The following LRP1B variants were observed in gnomAD, a reference collection of about 807,000 sequenced individuals.
LRP1B encodes low-density lipoprotein receptor-related protein 1B.
Under a neutral mutation model 556.6 loss-of-function variants are expected in LRP1B, and 217 were observed. That is an observed-to-expected ratio of 0.39 (90% CI 0.35 to 0.44). LRP1B has a LOEUF of 0.44. Among genes scored for constraint, LRP1B ranks in the 20% least tolerant of loss-of-function variants. The probability of loss-of-function intolerance (pLI) is 1.00; values close to 1 mark genes in which losing one functional copy is unlikely to be tolerated. For synonymous variants in LRP1B, 2,047 were observed against 1,865.8 expected, an observed-to-expected ratio of 1.10 and a Z score of -2.50; for missense variants, 5,053 against 5,620.8, an observed-to-expected ratio of 0.90 and a Z score of 3.23.
At chr2:140,342,894 A>C (rs1180506359) in intron 77 of LRP1B, among the ~76,000 whole-genome samples, 5 of 151,642 alleles carry the variant, frequency 3.3e-5, no homozygotes, top group Non-Finnish European at 7.4e-5. Flanking sequence ...CCTAAATATG[A>C]TGTGATGTCC....
intron 6 of LRP1B, among the ~76,000 whole-genome samples, chr2:141,219,476 T>C (rs1682947040): frequency 6.6e-6 from 1 of 152,152 alleles, no homozygotes; most frequent in African/African-American, 2.4e-5. Flanking sequence ...TGGGGGAAGG[T>C]GTGACCGTGA....
At chr2:141,043,725 C>A (rs1201214905) in intron 11 of LRP1B, among the ~76,000 whole-genome samples, 1 of 151,848 alleles carries the variant, frequency 6.6e-6, no homozygotes, top group Non-Finnish European at 1.5e-5. Flanking sequence ...TAGTGGAATA[C>A]ATGTAACAAT....
intron 2 of LRP1B, among the ~76,000 whole-genome samples, chr2:141,493,117 T>C (rs1029426568): frequency 3.9e-5 from 6 of 152,252 alleles, no homozygotes; most frequent in African/African-American, 1.4e-4. Flanking sequence ...ATTGCTATTA[T>C]AGAGAGGAGG....
intron 2 of LRP1B, among the ~76,000 whole-genome samples, chr2:141,486,297 T>A (rs1365587915): frequency 2.0e-5 from 3 of 152,204 alleles, no homozygotes; most frequent in Non-Finnish European, 2.9e-5. Context: ...TTACACTAAA[T>A]CTTATTTTAC....
chr2:141,494,346 G>T (rs1160865770), intron 2 of LRP1B, among the ~76,000 whole-genome samples: 2 of 152,092 alleles, frequency 1.3e-5, no homozygotes, highest in Admixed American at 6.6e-5. Context: ...TAATAGGAAG[G>T]ATGGATACCA....
chr2:141,249,417 C>T (rs562594096), intron 4 of LRP1B, among the ~76,000 whole-genome samples: 4 of 152,052 alleles, frequency 2.6e-5, no homozygotes, highest in Admixed American at 1.3e-4. Context: ...GCCAACATGG[C>T]GAAGCCCTTT....
At chr2:140,267,305 G>C (rs1682250025) in intron 86 of LRP1B, among the ~76,000 whole-genome samples, 1 of 151,920 alleles carries the variant, frequency 6.6e-6, no homozygotes, top group African/African-American at 2.4e-5. Flanking sequence ...GTTTAACTGG[G>C]TGAGGAATGC....
At chr2:141,247,471 C>G in intron 4 of LRP1B, 117 bp from the exon 5 acceptor site, 1 of 1,174,080 alleles carries the variant, frequency 8.5e-7, no homozygotes, top group Non-Finnish European at 1.2e-6. Context: ...AAAGCCAATT[C>G]CAATAAGTCT....
intron 3 of LRP1B, among the ~76,000 whole-genome samples, chr2:141,376,112 G>A (rs1024286466): frequency 4.6e-5 from 7 of 152,210 alleles, no homozygotes; most frequent in Admixed American, 1.3e-4. Flanking sequence ...AGCAGCAGCC[G>A]CCATGTCTGT....
intron 3 of LRP1B, among the ~76,000 whole-genome samples, chr2:141,448,740 A>G (rs796676525): frequency 3.9e-5 from 6 of 151,940 alleles, no homozygotes; most frequent in African/African-American, 1.4e-4. Context: ...CTGTCTAACC[A>G]CTCCCAGTGA....
Position 140,994,108 on chromosome 2 carries a change from A to T in LRP1B, c.2531T>A (p.Ile844Lys), listed in dbSNP as rs772730911. Reference protein sequence around the residue: ...TFNPGEALPHICKAGEFRCKN... With the variant: ...TFNPGEALPHKCKAGEFRCKN... ...GCAGCGAAACTCTCCAGCTTTACAT[A>T]TGTGAGGTAGTGCTTCTCCAGGATT... The change falls in exon 16 of 91, where the codon ATA becomes AAA. Residue 844 changes from isoleucine to lysine, a missense_variant. This residue lies in a region of LRP1B where 3,619 missense variants were observed against 3,931.9 expected (regional missense o/e 0.92). Coordinates refer to ENST00000389484, the MANE Select transcript of LRP1B (RefSeq NM_018557.3). The T allele has an allele frequency of 6.2e-7, 1 of 1,612,468 alleles. No individual in the cohort carries two copies. The highest frequency in any genetic ancestry group is 8.5e-7 in the Non-Finnish European group (1 of 1,178,966).
intron 7 of LRP1B, among the ~76,000 whole-genome samples, chr2:141,111,775 T>TA (rs1434626502): frequency 6.6e-6 from 1 of 152,058 alleles, no homozygotes; most frequent in Admixed American, 6.6e-5. Context: ...CTCCAGCCGG[T>TA]AGTGGTGGCT....
chr2:141,570,545 C>T (rs1281285079), intron 2 of LRP1B, among the ~76,000 whole-genome samples: 1 of 151,198 alleles, frequency 6.6e-6, no homozygotes, highest in Non-Finnish European at 1.5e-5. Flanking sequence ...GGAGGGGTGA[C>T]CAGCACTGGC....
At chr2:140,341,640 A>C (rs921242390) in intron 77 of LRP1B, among the ~76,000 whole-genome samples, 3 of 151,534 alleles carry the variant, frequency 2.0e-5, no homozygotes, top group Non-Finnish European at 4.4e-5. Context: ...AAAAAGTTGC[A>C]TTCTTGGTAG....
intron 25 of LRP1B, among the ~76,000 whole-genome samples, chr2:140,869,953 A>G (rs183701105): frequency 6.6e-6 from 1 of 152,186 alleles, no homozygotes; most frequent in African/African-American, 2.4e-5. Context: ...AAGTTCATGG[A>G]AGCTGCCTTT....
Position 140,682,431 on chromosome 2 carries a change from T to C in LRP1B, c.6799+17819A>G, listed in dbSNP as rs188483075. On this transcript the variant is annotated intron_variant, in intron 41 of 90. Transcript: ENST00000389484. ...TGATTACTTATTAAGTCCCAGGAAC[T>C]CTGTGGCCAGGGTCAGACTGTCCCA... Among the ~76,000 whole-genome samples, 338 of 152,308 alleles carry C rather than the reference T, an allele frequency of 2.2e-3. 4 individuals carry two copies. The highest frequency in any genetic ancestry group is 7.4e-3 in the African/African-American group (308 of 41,566).
chr2:140,425,624 TG>T (rs956999951), intron 66 of LRP1B, among the ~76,000 whole-genome samples: 2 of 152,184 alleles, frequency 1.3e-5, no homozygotes, highest in Non-Finnish European at 2.9e-5. Context: ...TTGAGCAGGC[TG>T]GTCTTGAACT....
At chr2:141,894,930 C>T (rs1007080960) in intron 1 of LRP1B, among the ~76,000 whole-genome samples, 1 of 151,452 alleles carries the variant, frequency 6.6e-6, no homozygotes, top group Non-Finnish European at 1.5e-5. Context: ...TGCCTGTAAT[C>T]CCAGCTACTT....
At chr2:142,044,883 C>T (rs1042036804) in intron 1 of LRP1B, among the ~76,000 whole-genome samples, 14 of 151,692 alleles carry the variant, frequency 9.2e-5, no homozygotes, top group East Asian at 3.9e-4. Context: ...CAGATACATG[C>T]TAATATCCAT....
Sources: allele counts gnomAD v4.1 joint callset (sites outside exome capture counted in the v4.1 genomes callset), GRCh38; gene constraint gnomAD v4.1.1; regional missense constraint gnomAD v4.1.1; transcripts MANE v1.5; gene names NCBI Gene and HGNC (gene_info 2026-07-23, HGNC 2026-07-21).